Variants in KCND3 observed in about 807,000 individuals in gnomAD.
The protein encoded by KCND3 is potassium voltage-gated channel subfamily D member 3.
A neutral mutation model predicts 51.1 loss-of-function variants in KCND3; 9 were observed. The observed-to-expected ratio is 0.18, with a 90% confidence interval of 0.11 to 0.31. The LOEUF is 0.31. KCND3 is among the 10% of genes least tolerant of loss of function. The probability of loss-of-function intolerance (pLI) is 1.00; values close to 1 mark genes in which losing one functional copy is unlikely to be tolerated. For synonymous variants in KCND3, 349 were observed against 368.0 expected (o/e 0.95, Z 0.59); for missense variants, 526 against 903.8 (o/e 0.58, Z 5.36).
intron 2 of KCND3, among the ~76,000 whole-genome samples, chr1:111,895,137 T>A (rs1302268118): frequency 3.4e-5 from 2 of 59,556 alleles, no homozygotes; most frequent in African/African-American, 6.7e-5. Context: ...GAGGGAGAAG[T>A]GGGGAGGGAG....
At chr1:111,852,740 T>C (rs986686508) in intron 2 of KCND3, among the ~76,000 whole-genome samples, 11 of 152,222 alleles carry the variant, frequency 7.2e-5, no homozygotes, top group African/African-American at 2.4e-4. Flanking sequence ...ATAAAATTGC[T>C]GAAGTCATAA....
intron 2 of KCND3, among the ~76,000 whole-genome samples, chr1:111,922,578 T>G (rs1315825085): frequency 1.3e-5 from 2 of 152,258 alleles, no homozygotes; most frequent in African/African-American, 2.4e-5. Flanking sequence ...TGTGCCTGTT[T>G]CCTCTCTTTT....
chr1:111,828,068 T>G (rs1305091520), intron 2 of KCND3, among the ~76,000 whole-genome samples: 1 of 152,164 alleles, frequency 6.6e-6, no homozygotes, highest in Non-Finnish European at 1.5e-5. Context: ...TTTATGGGCT[T>G]CTGGAAGCAG....
At chr1:111,827,016 G>A (rs1259837677) in intron 2 of KCND3, among the ~76,000 whole-genome samples, 1 of 152,174 alleles carries the variant, frequency 6.6e-6, no homozygotes. Flanking sequence ...ATACTCCACT[G>A]AGCATTTTCT....
At chr1:111,941,174 A>T (rs1448782396) in intron 2 of KCND3, among the ~76,000 whole-genome samples, 1 of 152,094 alleles carries the variant, frequency 6.6e-6, no homozygotes, top group Non-Finnish European at 1.5e-5. Flanking sequence ...CAGAGCTGGT[A>T]ACCAACTTCA....
Position 111,942,010 on chromosome 1 carries a change from A to C in KCND3, c.1106+39611T>G, listed in dbSNP as rs555230977. On this transcript the variant is annotated intron_variant, in intron 2 of 7. Coordinates refer to ENST00000302127, the MANE Select transcript of KCND3 (RefSeq NM_001378969.1). ...TGCTTTTCACAGGCTCCTGCAATCT[A>C]TCAGCTTATCCTGCTCCAGGGACTT... 8.5e-5 allele frequency among the ~76,000 whole-genome samples: 13 copies of C among 152,222 alleles called. No homozygotes were observed. The South Asian group carries it at 2.7e-3, about 32-fold the overall frequency.
At chr1:111,804,107 C>T (rs1475296688) in intron 2 of KCND3, among the ~76,000 whole-genome samples, 2 of 152,206 alleles carry the variant, frequency 1.3e-5, no homozygotes, top group Admixed American at 6.5e-5. Context: ...TTTCACATGC[C>T]TCATGTCCTT....
At chr1:111,935,207 T>C (rs1282952552) in intron 2 of KCND3, among the ~76,000 whole-genome samples, 1 of 152,228 alleles carries the variant, frequency 6.6e-6, no homozygotes, top group Non-Finnish European at 1.5e-5. Flanking sequence ...GAACCTTTTA[T>C]ATATTTAATA....
intron 2 of KCND3, among the ~76,000 whole-genome samples, chr1:111,807,487 C>A (rs2101564481): frequency 6.6e-6 from 1 of 152,192 alleles, no homozygotes; most frequent in East Asian, 1.9e-4. Context: ...ACCAGCCTGG[C>A]CAACATGGTG....
chr1:111,859,962 C>T (rs150897949), intron 2 of KCND3, among the ~76,000 whole-genome samples: 33 of 152,294 alleles, frequency 2.2e-4, no homozygotes, highest in Non-Finnish European at 4.1e-4. Context: ...TGACCTTTAA[C>T]GCTTTTTGGG....
chr1:111,960,519 G>A (rs961217636), intron 2 of KCND3, among the ~76,000 whole-genome samples: 1 of 152,198 alleles, frequency 6.6e-6, no homozygotes, highest in East Asian at 1.9e-4. Flanking sequence ...GGTCAGGCAC[G>A]GACAGTTCCC....
intron 2 of KCND3, among the ~76,000 whole-genome samples, chr1:111,891,960 G>C (rs550889173): frequency 7.9e-6 from 1 of 126,646 alleles, no homozygotes; most frequent in Admixed American, 9.1e-5. Context: ...TGTGGTGTGC[G>C]TGTGTGTCTG....
intron 2 of KCND3, among the ~76,000 whole-genome samples, chr1:111,876,460 A>C (rs1026808430): frequency 6.6e-6 from 1 of 152,132 alleles, no homozygotes; most frequent in African/African-American, 2.4e-5. Context: ...CTTCGGATCA[A>C]TTTTAATTCC....
rs1290082000 is a variant in KCND3 at position 111,776,129 on chromosome 1, T to C, written c.1916A>G (p.Asn639Ser). The C allele has an allele frequency of 1.9e-6, 3 of 1,614,074 alleles. No individual in the cohort carries two copies. The African/African-American group carries it at 4.0e-5, about 22-fold the overall frequency. The change falls in exon 8 of 8, where the codon AAC (asparagine) becomes AGC (serine). Residue 639 changes from asparagine to serine, a missense_variant. Asn to Ser is a conservative substitution (Grantham distance 46). Coordinates refer to ENST00000302127, the MANE Select transcript of KCND3 (RefSeq NM_001378969.1). ...SRPPPASPGPNTNIPSIASNV... is the reference protein window; with the variant it reads ...SRPPPASPGPSTNIPSIASNV... ...GCTGGCTATGGAAGGAATGTTCGTG[T>C]TGGGGCCTGGGCTGGCAGGGGGTGG...
At chr1:111,840,547 A>G (rs1667281536) in intron 2 of KCND3, among the ~76,000 whole-genome samples, 1 of 151,238 alleles carries the variant, frequency 6.6e-6, no homozygotes, top group Admixed American at 6.6e-5. Context: ...TCTCAAAGTG[A>G]TTTATTTTCT....
In KCND3 at chr1:111,982,136, G is replaced by A. The variant is rs1674985000; in HGVS notation, c.591C>T (p.Val197=). ...GCACCGTCTCCACCACGTTGGTGATGACCGAGACAGCGATGAAGAAGCCAG... is the reference window on the plus strand; with the variant it reads ...GCACCGTCTCCACCACGTTGGTGATAACCGAGACAGCGATGAAGAAGCCAG... ...YVTGFFIAVS[V]ITNVVETVPC... is the part of the protein sequence containing the mutation. Residue 197 remains valine (V), a synonymous_variant, in exon 2 of 8, where the codon GTC becomes GTT. Transcript: ENST00000302127. This position sits in a 1 kb window ranked among gnomAD's most constrained non-coding sequence, Gnocchi z 8.5. 2 of 1,613,850 alleles carry A rather than the reference G, an allele frequency of 1.2e-6. No individual in the cohort carries two copies. The highest frequency in any genetic ancestry group is 1.7e-6 in the Non-Finnish European group (2 of 1,180,014).
chr1:111,824,119 C>CA (rs34971055), intron 2 of KCND3, among the ~76,000 whole-genome samples: 1,504 of 118,884 alleles, frequency 0.013, 17 homozygotes, highest in East Asian at 0.04. Context: ...TCTCCAACTC[C>CA]AAAAAAAAAA....
chr1:111,794,875 A>G (rs887880513), intron 2 of KCND3, among the ~76,000 whole-genome samples: 1 of 152,198 alleles, frequency 6.6e-6, no homozygotes, highest in Non-Finnish European at 1.5e-5. Flanking sequence ...CAGAGTGGTA[A>G]GTAATACGCC....
intron 2 of KCND3, among the ~76,000 whole-genome samples, chr1:111,970,473 T>A (rs1674265806): frequency 6.6e-6 from 1 of 152,186 alleles, no homozygotes; most frequent in Non-Finnish European, 1.5e-5. Context: ...ACCAAAATGA[T>A]CTTTTAAGGG....
Sources: gnomAD v4.1 joint callset for allele counts (sites outside exome capture counted in the v4.1 genomes callset) on GRCh38, gnomAD v4.1.1 for gene constraint, Gnocchi (gnomAD v3.1) non-coding constraint, MANE v1.5 for transcripts, NCBI Gene and HGNC (gene_info 2026-07-23, HGNC 2026-07-21) for gene names.